The following GRM7 variants were observed in gnomAD, a reference collection of about 807,000 sequenced individuals.
The protein encoded by GRM7 is glutamate metabotropic receptor 7, also known as metabotropic glutamate receptor 7.
GRM7 carries 35 observed loss-of-function variants against 84.5 expected under a neutral mutation model. The observed-to-expected ratio is 0.41, with a 90% CI of 0.32 to 0.55. The LOEUF is 0.55. Ranked by LOEUF, GRM7 falls within the 20% of genes least tolerant of loss-of-function variation. The pLI, the probability that GRM7 is intolerant of heterozygous loss-of-function variation, is 0.19. For synonymous variants in GRM7, 487 were observed against 455.1 expected (o/e 1.07, Z -0.89); for missense variants, 1,003 against 1,194.6 (o/e 0.84, Z 2.36).
At chr3:7,160,754 G>C (rs1694597923) in intron 2 of GRM7, among the ~76,000 whole-genome samples, 1 of 152,084 alleles carries the variant, frequency 6.6e-6, no homozygotes, top group Non-Finnish European at 1.5e-5. Context: ...GATCTGGGAT[G>C]GTCCCTTTCC....
intron 7 of GRM7, among the ~76,000 whole-genome samples, chr3:7,544,998 T>C (rs1000277551): frequency 2.6e-5 from 4 of 152,232 alleles, no homozygotes; most frequent in African/African-American, 9.6e-5. Flanking sequence ...AGGAAATATG[T>C]ATCTTGTTTG....
chr3:7,055,430 A>T (rs374813487), intron 1 of GRM7, among the ~76,000 whole-genome samples: 11 of 151,544 alleles, frequency 7.3e-5, no homozygotes, highest in African/African-American at 2.7e-4. Context: ...TTCCTCTCTT[A>T]TGAAAATCAA....
intron 2 of GRM7, among the ~76,000 whole-genome samples, chr3:7,202,679 C>T (rs1696104910): frequency 6.6e-6 from 1 of 152,108 alleles, no homozygotes; most frequent in Non-Finnish European, 1.5e-5. Flanking sequence ...AATGTGCTGA[C>T]CTAAAGAATT....
chr3:7,064,505 C>CACATATAT (rs1553612672), intron 1 of GRM7, among the ~76,000 whole-genome samples: 1 of 101,008 alleles, frequency 9.9e-6, no homozygotes, highest in South Asian at 3.3e-4. Context: ...TATATATACA[C>CACATATAT]ATATATATAT....
chr3:7,696,700 T>C (rs1369635208), intron 9 of GRM7, among the ~76,000 whole-genome samples: 3 of 152,212 alleles, frequency 2.0e-5, no homozygotes, highest in African/African-American at 7.2e-5. Flanking sequence ...TTTCTGTGCA[T>C]GGTTAGCCCT....
intron 9 of GRM7, among the ~76,000 whole-genome samples, chr3:7,689,503 A>T (rs1439209399): frequency 6.6e-6 from 1 of 152,172 alleles, no homozygotes; most frequent in Non-Finnish European, 1.5e-5. Flanking sequence ...TCTTTTTGGC[A>T]TATTTCTCTC....
chr3:7,205,134 C>G lies in GRM7; in HGVS notation c.736+58466C>G, dbSNP rs1412540184. ...TCAGACAATGTCAGTTTTCCTTTGT[C>G]CTTTCATAATTTAAGACAGTTGTTT... On this transcript the variant is annotated intron_variant, in intron 2 of 9. Coordinates refer to ENST00000357716, the MANE Select transcript of GRM7 (RefSeq NM_000844.4). Among the ~76,000 whole-genome samples the G allele has an allele frequency of 5.3e-5, 8 of 152,254 alleles. No individual in the cohort carries two copies. In the East Asian group the frequency reaches 1.5e-3, roughly 29 times the overall value.
At chr3:7,406,499 CA>C (rs201351876) in intron 4 of GRM7, among the ~76,000 whole-genome samples, 2 of 150,308 alleles carry the variant, frequency 1.3e-5, no homozygotes, top group African/African-American at 2.4e-5. Context: ...GACTCTGTCT[CA>C]AAAAAAAATC....
At chr3:7,613,476 C>T (rs763718505) in intron 8 of GRM7, among the ~76,000 whole-genome samples, 21 of 152,088 alleles carry the variant, frequency 1.4e-4, no homozygotes, top group South Asian at 4.2e-4. Flanking sequence ...TCATCCCTGA[C>T]GCTCAGAAAA....
At chr3:7,017,318 A>G (rs539479068) in intron 1 of GRM7, among the ~76,000 whole-genome samples, 1 of 152,338 alleles carries the variant, frequency 6.6e-6, no homozygotes, top group African/African-American at 2.4e-5. Flanking sequence ...TGCTTTTAAT[A>G]ATTAGACTAA....
intron 2 of GRM7, among the ~76,000 whole-genome samples, chr3:7,234,834 A>T (rs767919955): frequency 6.6e-6 from 1 of 152,136 alleles, no homozygotes. Context: ...TCCATTAGAG[A>T]TTATGTTTTG....
intron 1 of GRM7, among the ~76,000 whole-genome samples, chr3:7,137,721 G>T (rs985158800): frequency 8.0e-6 from 1 of 125,074 alleles, no homozygotes; most frequent in Non-Finnish European, 1.7e-5. Context: ...TGGACATGCA[G>T]GTGGTGGTGG....
chr3:7,032,985 C>T (rs1230092953), intron 1 of GRM7, among the ~76,000 whole-genome samples: 1 of 152,106 alleles, frequency 6.6e-6, no homozygotes, highest in Non-Finnish European at 1.5e-5. Flanking sequence ...ACTGTATTTC[C>T]TGTAAGTTCT....
chr3:7,458,819 A>T (rs573692359), intron 6 of GRM7, among the ~76,000 whole-genome samples: 1 of 152,322 alleles, frequency 6.6e-6, no homozygotes, highest in South Asian at 2.1e-4. Flanking sequence ...AAGCACATGA[A>T]TGCTAGTATC....
Position 7,740,524 on chromosome 3 carries a change from G to A in GRM7, c.*118G>A, listed in dbSNP as rs561847781. 1.1e-4 allele frequency: 64 copies of A among 577,764 alleles called. 1 individual carries two copies. Among genetic ancestry groups the A allele is most frequent in the Non-Finnish European group, 1.6e-4 (54 of 328,776 alleles). The allele number at this position is 577,764 out of a possible 1,614,324, so 35.8% of individuals were successfully genotyped here. A position where few individuals can be genotyped will look rare whatever the true frequency, so the allele number is the denominator to read the frequency against. ...CATCACCGGAGGAGCTTCCCCGGCC[G>A]GGAGACCAGTGTTAGAGGATCCAAG... is the stretch of plus-strand genomic sequence containing the variant. On this transcript the variant is annotated 3_prime_UTR_variant, in exon 10 of 10. Transcript: ENST00000357716.
chr3:7,073,299 A>G (rs2124986506), intron 1 of GRM7, among the ~76,000 whole-genome samples: 1 of 152,178 alleles, frequency 6.6e-6, no homozygotes, highest in Non-Finnish European at 1.5e-5. Flanking sequence ...TTTGTGCCAC[A>G]CCTGTTGCCT....
At chr3:7,247,078 A>G (rs543784253) in intron 2 of GRM7, among the ~76,000 whole-genome samples, 10 of 152,312 alleles carry the variant, frequency 6.6e-5, no homozygotes, top group Middle Eastern at 3.4e-3. Flanking sequence ...TTCAATCTAT[A>G]TTACTTGAAC....
Position 7,336,388 on chromosome 3 carries a change from TA to T in GRM7, c.1033+29737del, listed in dbSNP as rs1348153123. ...CAGCAAAATTGGCATAGAAGGGACATACCTTAAGGTAATAAAAGCCATCTGT... is the reference window on the plus strand; with the variant it reads ...CAGCAAAATTGGCATAGAAGGGACATCCTTAAGGTAATAAAAGCCATCTGT... On this transcript the variant is annotated intron_variant, in intron 4 of 9. Transcript: ENST00000357716. 7.2e-5 allele frequency among the ~76,000 whole-genome samples: 11 copies of T among 151,990 alleles called. 1 individual carries two copies. Among genetic ancestry groups the T allele is most frequent in the Non-Finnish European group, 1.0e-4 (7 of 67,962 alleles).
intron 2 of GRM7, among the ~76,000 whole-genome samples, chr3:7,288,830 C>T (rs1396402): frequency 0.9 from 136,588 of 152,168 alleles, 61,584 homozygotes; most frequent in East Asian, 0.98. Context: ...GATAATATCC[C>T]GAGAACCACT....
Sources: gnomAD v4.1 joint callset for allele counts (sites outside exome capture counted in the v4.1 genomes callset) on GRCh38, gnomAD v4.1.1 for gene constraint, MANE v1.5 for transcripts, NCBI Gene and HGNC (gene_info 2026-07-23, HGNC 2026-07-21) for gene names.